CEP83: variants seen among roughly 807,000 people sequenced by gnomAD.
CEP83 encodes centrosomal protein 83.
A neutral mutation model predicts 101.9 loss-of-function variants in CEP83; 70 were observed. That is an observed-to-expected ratio of 0.69 (90% CI 0.57 to 0.84). CEP83 has a LOEUF of 0.84. Ranked by LOEUF, CEP83 falls within the 40% of genes least tolerant of loss-of-function variation. CEP83 has a pLI of 0.00. For missense variants in CEP83, 715 were observed against 787.2 expected (o/e 0.91, Z 1.10); for synonymous variants, 264 against 267.9 (o/e 0.99, Z 0.14).
chr12:94,310,051 T>G lies in CEP83; in HGVS notation c.1868A>C (p.Gln623Pro). The stretch of plus-strand genomic sequence containing the variant: ...ACTTCGAAATTCATTATGTCTTCTC[T>G]GTATATCTTTTAGTCTTTTTTGAAG... ...TRLQKRLKDI[Q>P]RRHNEFRSLI... Residue 623 changes from glutamine to proline, a missense_variant, in exon 16 of 17, where the codon CAG becomes CCG. Transcript: ENST00000397809. The G allele has an allele frequency of 6.2e-7, 1 of 1,606,294 alleles. No homozygotes were observed.
rs146715825 is a variant in CEP83 at position 94,313,067 on chromosome 12, A to C, written c.1708-50T>G. ...ATGTTAATACATAATCTCTTATTTG[A>C]ACAAAACTATATAGAAAATATTTTA... is the stretch of plus-strand genomic sequence containing the variant. On this transcript the variant is annotated intron_variant, in intron 14 of 16. Coordinates refer to ENST00000397809, the MANE Select transcript of CEP83 (RefSeq NM_016122.3). 29 of 799,492 alleles carry C rather than the reference A, an allele frequency of 3.6e-5. No individual in the cohort carries two copies. The African/African-American group carries it at 4.2e-4, about 12-fold the overall frequency. The allele number at this position is 799,492 out of a possible 1,614,324, so 49.5% of individuals were successfully genotyped here.
chr12:94,332,175 T>A (rs2059252306), intron 13 of CEP83, among the ~76,000 whole-genome samples: 1 of 152,220 alleles, frequency 6.6e-6, no homozygotes, highest in Admixed American at 6.5e-5. Context: ...AAACACTTGA[T>A]AACCAGATGT....
intron 14 of CEP83, among the ~76,000 whole-genome samples, chr12:94,331,329 T>C (rs2059202703): frequency 7.1e-6 from 1 of 141,162 alleles, no homozygotes; most frequent in South Asian, 2.2e-4. Flanking sequence ...TTTAATTATA[T>C]TTTACTCCAT....
In CEP83 at chr12:94,438,361, C is replaced by T. The variant is rs138133500; in HGVS notation, c.-154-3034G>A. 4.1e-3 allele frequency among the ~76,000 whole-genome samples: 631 copies of T among 152,130 alleles called. 2 individuals carry two copies. Among genetic ancestry groups the T allele is most frequent in the Non-Finnish European group, 7.3e-3 (496 of 68,010 alleles). On this transcript the variant is annotated intron_variant, in intron 1 of 16. Transcript: ENST00000397809. ...TAAAGGGGTGGAAAAAGATATTCCACGCAAATGGAAACCAAACGTGAGCAG... is the reference window on the plus strand; with the variant it reads ...TAAAGGGGTGGAAAAAGATATTCCATGCAAATGGAAACCAAACGTGAGCAG...
At chr12:94,349,830 AC>A (rs1207023519) in intron 11 of CEP83, among the ~76,000 whole-genome samples, 2 of 152,210 alleles carry the variant, frequency 1.3e-5, no homozygotes, top group African/African-American at 2.4e-5. Context: ...AAGCCAACAA[AC>A]AAAAATTAGC....
chr12:94,340,111 A>G (rs1593253393), intron 11 of CEP83, among the ~76,000 whole-genome samples: 1 of 152,246 alleles, frequency 6.6e-6, no homozygotes, highest in East Asian at 1.9e-4. Flanking sequence ...GATGAAATGT[A>G]AACGTTCATT....
chr12:94,313,736 CT>C (rs1015854158), intron 14 of CEP83, among the ~76,000 whole-genome samples: 1 of 152,084 alleles, frequency 6.6e-6, no homozygotes, highest in Non-Finnish European at 1.5e-5. Flanking sequence ...ACTCAGGAGG[CT>C]GAGGCAGGAG....
intron 14 of CEP83, among the ~76,000 whole-genome samples, chr12:94,316,916 AT>A (rs1200001762): frequency 6.6e-6 from 1 of 152,132 alleles, no homozygotes; most frequent in Non-Finnish European, 1.5e-5. Flanking sequence ...AGAAAGATTT[AT>A]ATTCCTTTGA....
In CEP83 at chr12:94,378,867, TC is replaced by T; in HGVS notation, c.724del (p.Glu242ArgfsTer53). On this transcript the variant is annotated frameshift_variant, in exon 7 of 17. Coordinates refer to ENST00000397809, the MANE Select transcript of CEP83 (RefSeq NM_016122.3). LOFTEE classifies it high-confidence loss of function. ...TCTTTGGGCATTTTCCACCTGAGCC[TC>T]AGAATTCTCCTTTTCAGCCTTTAAT... is the stretch of plus-strand genomic sequence containing the variant. ...AELKAEKENS[E>X]AQVENAQRIQ... 1 of 1,614,096 alleles carries T rather than the reference TC, an allele frequency of 6.2e-7. No homozygotes were observed. Among genetic ancestry groups the T allele is most frequent in the Non-Finnish European group, 8.5e-7 (1 of 1,179,964 alleles).
the CEP83 span, among the ~76,000 whole-genome samples, chr12:94,281,598 A>AT: frequency 1.1e-5 from 1 of 89,312 alleles, no homozygotes; most frequent in Non-Finnish European, 2.2e-5. Context: ...TTTAAAAAAA[A>AT]TTTTATAGAG....
chr12:94,282,593 C>A, the CEP83 span, among the ~76,000 whole-genome samples: 1 of 152,222 alleles, frequency 6.6e-6, no homozygotes, highest in African/African-American at 2.4e-5. Context: ...GTACTTGTCA[C>A]GTATTCCCTT....
rs561641147 is a variant in CEP83 at position 94,364,054 on chromosome 12, C to A, written c.1343+3740G>T. ...CACTTACAAAGGTATGTAGAGCAGT[C>A]AAAAATCCTAAAAGACAGAAAGTGA... is the stretch of plus-strand genomic sequence containing the variant. On this transcript the variant is annotated intron_variant, in intron 11 of 16. Transcript: ENST00000397809. Among the ~76,000 whole-genome samples, 56 of 150,312 alleles carry A rather than the reference C, an allele frequency of 3.7e-4. 1 individual carries two copies. Among genetic ancestry groups the A allele is most frequent in the Middle Eastern group, 7.0e-3 (2 of 284 alleles).
chr12:94,456,572 G>A (rs2067694088), intron 1 of CEP83, among the ~76,000 whole-genome samples: 1 of 152,178 alleles, frequency 6.6e-6, no homozygotes, highest in Admixed American at 6.5e-5. Flanking sequence ...AGAAGGTGAA[G>A]GGGAAGCAAG....
chr12:94,304,646 C>T (rs1240392155), downstream of CEP83, among the ~76,000 whole-genome samples: 1 of 152,090 alleles, frequency 6.6e-6, no homozygotes, highest in African/African-American at 2.4e-5. Context: ...GAGAATAGCT[C>T]ACCAATTCCA....
chr12:94,409,846 C>T (rs1384797197), intron 4 of CEP83, among the ~76,000 whole-genome samples: 2 of 152,084 alleles, frequency 1.3e-5, no homozygotes, highest in Non-Finnish European at 2.9e-5. Context: ...CTCCATCTCT[C>T]TTCTCCTCTT....
At chr12:94,390,734 A>T (rs562626959) in intron 6 of CEP83, among the ~76,000 whole-genome samples, 3 of 152,364 alleles carry the variant, frequency 2.0e-5, no homozygotes, top group African/African-American at 4.8e-5. Context: ...CCTTGAAAAA[A>T]GATTAGATGA....
chr12:94,290,676 A>G, the CEP83 span, among the ~76,000 whole-genome samples: 2 of 152,244 alleles, frequency 1.3e-5, no homozygotes, highest in African/African-American at 4.8e-5. Context: ...TTAGGTTTTA[A>G]TCCTTTGGTG....
the CEP83 span, among the ~76,000 whole-genome samples, chr12:94,267,883 C>A: frequency 2.0e-5 from 3 of 152,156 alleles, no homozygotes; most frequent in Non-Finnish European, 4.4e-5. Flanking sequence ...CCCTCCCAAG[C>A]ATGTACACCC....
chr12:94,339,646 T>G (rs980294990), intron 11 of CEP83, among the ~76,000 whole-genome samples: 1 of 152,192 alleles, frequency 6.6e-6, no homozygotes, highest in Non-Finnish European at 1.5e-5. Flanking sequence ...ACAATAGAAG[T>G]TGTATTTTTC....
Sources: allele counts gnomAD v4.1 joint callset (sites outside exome capture counted in the v4.1 genomes callset), GRCh38; gene constraint gnomAD v4.1.1; transcripts MANE v1.5; gene names NCBI Gene and HGNC (gene_info 2026-07-23, HGNC 2026-07-21).